The following IFT74 variants were observed in gnomAD, a reference collection of about 807,000 sequenced individuals.
IFT74 encodes intraflagellar transport 74, also known as intraflagellar transport protein 74 homolog.
Under a neutral mutation model 96.7 loss-of-function variants are expected in IFT74, and 92 were observed. The observed-to-expected ratio is 0.95, with a 90% CI of 0.80 to 1.13. IFT74 has a LOEUF of 1.13. Ranked by LOEUF, IFT74 falls within the 50% of genes most tolerant of loss-of-function variation. The pLI is 0.00. For synonymous variants in IFT74, 223 were observed against 213.2 expected (o/e 1.05, Z -0.40); for missense variants, 811 against 698.2 (o/e 1.16, Z -1.82).
chr9:27,025,443 CAAAAAAAAAA>C (rs57335230), intron 12 of IFT74, among the ~76,000 whole-genome samples: 6 of 77,722 alleles, frequency 7.7e-5, no homozygotes, highest in Non-Finnish European at 1.5e-4. Context: ...ACTCCATCTC[CAAAAAAAAAA>C]AAAAAAAAAA....
At chr9:27,054,477 A>G (rs1486224485) in intron 16 of IFT74, among the ~76,000 whole-genome samples, 1 of 152,184 alleles carries the variant, frequency 6.6e-6, no homozygotes, top group East Asian at 1.9e-4. Context: ...CAGCTCCCTG[A>G]GTGAAAACCA....
In IFT74 at chr9:27,063,978, G is replaced by C. The variant is rs1461527259; in HGVS notation, c.*1242G>C. Among the ~76,000 whole-genome samples the C allele has an allele frequency of 6.6e-6, 1 of 151,972 alleles. No individual in the cohort carries two copies. The highest frequency in any genetic ancestry group is 1.5e-5 in the Non-Finnish European group (1 of 67,936). ...AGTGTTATGCCTCCAAAGGATTCAT[G>C]GTCAAAGAAGTTTGGGAAACGTTGT... On this transcript the variant is annotated 3_prime_UTR_variant, in exon 20 of 20. Coordinates refer to ENST00000380062, the MANE Select transcript of IFT74 (RefSeq NM_025103.4).
intron 2 of IFT74, among the ~76,000 whole-genome samples, chr9:26,977,461 C>A (rs1397116995): frequency 6.6e-6 from 1 of 152,090 alleles, no homozygotes; most frequent in Non-Finnish European, 1.5e-5. Context: ...ATTATAAATA[C>A]CATCTTGTAA....
At chr9:26,961,312 C>A (rs10757638) in intron 1 of IFT74, among the ~76,000 whole-genome samples, 3 of 152,114 alleles carry the variant, frequency 2.0e-5, no homozygotes, top group Middle Eastern at 6.8e-3. Context: ...GGATGGTCTC[C>A]ATCTGCTGAC....
intron 16 of IFT74, among the ~76,000 whole-genome samples, chr9:27,052,633 C>A (rs1238266102): frequency 6.6e-6 from 1 of 150,760 alleles, no homozygotes; most frequent in East Asian, 1.9e-4. Flanking sequence ...AAGGATTTTG[C>A]TGGAAATTTT....
intron 12 of IFT74, 112 bp downstream of exon 12, chr9:27,018,799 T>C (rs923729549): frequency 1.2e-5 from 7 of 560,346 alleles, no homozygotes; most frequent in Admixed American, 3.4e-5. Context: ...GCTTTAAATA[T>C]TTCTTTGAGT....
In IFT74 at chr9:26,948,448, ATTTTTTTTTTTTTTTTTTTTTTTTTT is replaced by A. The variant is rs71841244; in HGVS notation, c.-20+1317_-20+1342del. Among the ~76,000 whole-genome samples the A allele has an allele frequency of 3.4e-5, 2 of 59,162 alleles. 1 individual carries two copies. Among genetic ancestry groups the A allele is most frequent in the African/African-American group, 1.1e-4 (2 of 18,494 alleles). 38.8% of individuals were successfully genotyped at this position (59,162 alleles called of 152,430 possible). ...TGACAACCTGTGATGGCTTTCCATT[ATTTTTTTTTTTTTTTTTTTTTTTTTT>A]TTTTTTTTTTTTTTGAGACGGAGTG... is the stretch of plus-strand genomic sequence containing the variant. On this transcript the variant is annotated intron_variant, in intron 1 of 19. Transcript: ENST00000433700.
intron 14 of IFT74, among the ~76,000 whole-genome samples, chr9:27,045,204 TGTGAACCCTATCGC>T (rs1205336062): frequency 6.6e-6 from 1 of 152,132 alleles, no homozygotes; most frequent in Non-Finnish European, 1.5e-5. Context: ...CTCATATGAG[TGTGAACCCTATCGC>T]GTATGAGGGA....
chr9:26,991,866 T>A (rs1159041721), intron 8 of IFT74, among the ~76,000 whole-genome samples: 1 of 151,938 alleles, frequency 6.6e-6, no homozygotes, highest in Non-Finnish European at 1.5e-5. Context: ...ATATCTCTAC[T>A]AAAAATACAA....
Position 26,948,530 on chromosome 9 carries a change from G to A in IFT74, c.-20+1384G>A, listed in dbSNP as rs970114286. ...CTGCTGCCAGGCTGAGTGCAGTGGC[G>A]CGATCTCGGCTCACTGCAACCCTCG... On this transcript the variant is annotated intron_variant, in intron 1 of 19. Coordinates refer to the IFT74 transcript ENST00000433700. Among the ~76,000 whole-genome samples, 25 of 127,190 alleles carry A rather than the reference G, an allele frequency of 2.0e-4. 1 individual carries two copies. Among genetic ancestry groups the A allele is most frequent in the African/African-American group, 7.0e-4 (23 of 32,948 alleles). The allele number at this position is 127,190 out of a possible 152,430, so 83.4% of individuals were successfully genotyped here. A position where few individuals can be genotyped will look rare whatever the true frequency, so the allele number is the denominator to read the frequency against.
At chr9:27,046,307 A>G (rs1819701335) in intron 14 of IFT74, among the ~76,000 whole-genome samples, 2 of 152,332 alleles carry the variant, frequency 1.3e-5, no homozygotes, top group East Asian at 3.9e-4. Flanking sequence ...CAAATAAAAA[A>G]TGTTTTGTTG....
intron 16 of IFT74, among the ~76,000 whole-genome samples, chr9:27,053,533 G>A (rs970721657): frequency 6.6e-6 from 1 of 152,152 alleles, no homozygotes; most frequent in Non-Finnish European, 1.5e-5. Context: ...TTCCTTCTGA[G>A]ATTTTGCTCC....
At chr9:26,997,911 C>T (rs781405553) in intron 8 of IFT74, 4 of 1,613,928 alleles carry the variant, frequency 2.5e-6, no homozygotes, top group African/African-American at 2.7e-5. Context: ...AATACATCAG[C>T]ATTCAGTTGT....
chr9:26,986,945 T>G (rs1827665855), intron 6 of IFT74, among the ~76,000 whole-genome samples: 1 of 152,220 alleles, frequency 6.6e-6, no homozygotes, highest in Admixed American at 6.6e-5. Flanking sequence ...TTAAATTTCC[T>G]GGACTACACA....
At chr9:26,995,877 A>T in intron 8 of IFT74, 1 of 1,521,040 alleles carries the variant, frequency 6.6e-7, no homozygotes. Flanking sequence ...GAGAGGAGAG[A>T]GAAAGAAAAT....
chr9:26,988,160 C>T (rs1025636891), intron 6 of IFT74, among the ~76,000 whole-genome samples: 2 of 152,120 alleles, frequency 1.3e-5, no homozygotes, highest in African/African-American at 4.8e-5. Flanking sequence ...CCATGTTGGT[C>T]AGGCTGTTCT....
chr9:27,060,453 TACCG>T, intron 18 of IFT74, 134 bp from the exon 19 acceptor site: 1 of 424,246 alleles, frequency 2.4e-6, no homozygotes, highest in African/African-American at 2.0e-5. Context: ...TTTTTTTTTC[TACCG>T]TGGCTTTATC....
intron 9 of IFT74, among the ~76,000 whole-genome samples, chr9:27,010,070 C>G (rs1828981720): frequency 6.6e-6 from 1 of 151,618 alleles, no homozygotes. Flanking sequence ...TCACTGCAAG[C>G]TACGCCTCCC....
chr9:26,948,448 A>ATTATTTTTTTT lies in IFT74; in HGVS notation c.-20+1304_-20+1305insATTTTTTTTTT, dbSNP rs1825819541. Among the ~76,000 whole-genome samples, 273 of 59,180 alleles carry ATTATTTTTTTT rather than the reference A, an allele frequency of 4.6e-3. 24 individuals carry two copies. Among genetic ancestry groups the ATTATTTTTTTT allele is most frequent in the Non-Finnish European group, 7.5e-3 (197 of 26,096 alleles). The allele number at this position is 59,180 out of a possible 152,430, so 38.8% of individuals were successfully genotyped here. ...TGACAACCTGTGATGGCTTTCCATT[A>ATTATTTTTTTT]TTTTTTTTTTTTTTTTTTTTTTTTT... On this transcript the variant is annotated intron_variant, in intron 1 of 19. Coordinates refer to the IFT74 transcript ENST00000433700.
Sources: gnomAD v4.1 joint callset for allele counts (sites outside exome capture counted in the v4.1 genomes callset) on GRCh38, gnomAD v4.1.1 for gene constraint, MANE v1.5 for transcripts, NCBI Gene and HGNC (gene_info 2026-07-23, HGNC 2026-07-21) for gene names.